The following BEND2 variants were observed in gnomAD, a reference collection of about 807,000 sequenced individuals.
The protein encoded by BEND2 is BEN domain containing 2.
A neutral mutation model predicts 43.8 loss-of-function variants in BEND2; 19 were observed. That is an observed-to-expected ratio of 0.43 (90% confidence interval 0.30 to 0.64). The LOEUF (loss-of-function observed/expected upper bound fraction) is 0.64, where lower values mean the gene tolerates loss of function less well. BEND2 is among the 30% of genes least tolerant of loss of function. The pLI is 0.11. For synonymous variants in BEND2, 226 were observed against 210.1 expected (o/e 1.08, Z -0.66); for missense variants, 544 against 574.0 (o/e 0.95, Z 0.53).
At chrX:18,182,761 C>T (rs987473992) in intron 8 of BEND2, among the ~76,000 whole-genome samples, 3 of 111,250 alleles carry the variant, frequency 2.7e-5, no homozygotes, top group East Asian at 2.8e-4. Flanking sequence ...TTACAGAGGC[C>T]GGGCACGGGG....
intron 2 of BEND2, among the ~76,000 whole-genome samples, chrX:18,214,923 A>G (rs1472117448): frequency 9.0e-6 from 1 of 110,547 alleles, no homozygotes; most frequent in Non-Finnish European, 1.9e-5. Context: ...CATCAGCAAT[A>G]AATATTGTAA....
At chrX:18,204,759 C>A (rs1158795719) in intron 4 of BEND2, among the ~76,000 whole-genome samples, 1 of 110,967 alleles carries the variant, frequency 9.0e-6, no homozygotes, top group Non-Finnish European at 1.9e-5. Flanking sequence ...TGCTCTAATG[C>A]CAGCAAATGA....
chrX:18,178,544 T>C (rs1032506915), intron 9 of BEND2, among the ~76,000 whole-genome samples: 3 of 112,089 alleles, frequency 2.7e-5, no homozygotes, highest in African/African-American at 9.7e-5. Flanking sequence ...AATCATACTT[T>C]AAGTATAGTT....
chrX:18,177,911 A>T, intron 9 of BEND2, 142 bp from the exon 10 acceptor site: 1 of 600,273 alleles, frequency 1.7e-6, no homozygotes, highest in Non-Finnish European at 2.6e-6. Flanking sequence ...TAATTCATGA[A>T]TTTCTACTTG....
At chrX:18,179,132 A>G (rs1924284106) in intron 9 of BEND2, among the ~76,000 whole-genome samples, 1 of 107,816 alleles carries the variant, frequency 9.3e-6, no homozygotes, top group Non-Finnish European at 1.9e-5. Flanking sequence ...ATTTCTAACA[A>G]TGTATCAGAG....
At chrX:18,174,495 A>G (rs1924081950) in intron 11 of BEND2, among the ~76,000 whole-genome samples, 1 of 112,400 alleles carries the variant, frequency 8.9e-6, no homozygotes, top group Admixed American at 9.5e-5. Context: ...AGCTCTGTCT[A>G]AGGAACTCAA....
intron 9 of BEND2, 124 bp from the exon 10 acceptor site, chrX:18,177,893 A>T (rs1472798507): frequency 1.6e-6 from 1 of 634,234 alleles, no homozygotes; most frequent in Non-Finnish European, 2.4e-6. Context: ...ATGCAGATAA[A>T]TGATTTCTAA....
chrX:18,164,922 A>G lies in BEND2; in HGVS notation c.*87T>C. 1.0e-6 allele frequency: 1 copy of G among 998,254 alleles called. No individual in the cohort carries two copies. Among genetic ancestry groups the G allele is most frequent in the South Asian group, 2.2e-5 (1 of 44,493 alleles). The allele number at this position is 998,254 out of a possible 1,213,427, so 82.3% of individuals were successfully genotyped here. Reference sequence around the variant, plus strand: ...TCAATGCAAACTACTCTGCCAGTACAGCAGGCTGATTTTGGAATTAGAACT... The same window carrying G: ...TCAATGCAAACTACTCTGCCAGTACGGCAGGCTGATTTTGGAATTAGAACT... On this transcript the variant is annotated 3_prime_UTR_variant, in exon 14 of 14. Transcript: ENST00000380033.
chrX:18,175,840 C>T, intron 11 of BEND2, 132 bp downstream of exon 11: 2 of 531,148 alleles, frequency 3.8e-6, no homozygotes, highest in Non-Finnish European at 5.5e-6. Flanking sequence ...GAAAGAACAT[C>T]CCATGCCCCC....
At chrX:18,176,344 A>G (rs1924153492) in intron 10 of BEND2, among the ~76,000 whole-genome samples, 1 of 95,049 alleles carries the variant, frequency 1.1e-5, no homozygotes, top group Admixed American at 1.2e-4. Flanking sequence ...TGACGTAGGA[A>G]GCTAATATTG....
At chrX:18,203,093 G>T (rs1265848591) in intron 5 of BEND2, among the ~76,000 whole-genome samples, 1 of 111,579 alleles carries the variant, frequency 9.0e-6, no homozygotes, top group Admixed American at 9.6e-5. Flanking sequence ...ATGGAGAAGA[G>T]ATCACACTTG....
chrX:18,194,062 A>G (rs137948999), intron 7 of BEND2, among the ~76,000 whole-genome samples: 2,822 of 111,957 alleles, frequency 0.025, 52 homozygotes, highest in Non-Finnish European at 0.038. Context: ...AAACCTTCAA[A>G]CAGAAAAGAT....
At chrX:18,193,804 G>T (rs770048980) in intron 7 of BEND2, among the ~76,000 whole-genome samples, 12 of 111,376 alleles carry the variant, frequency 1.1e-4, no homozygotes, top group Non-Finnish European at 2.1e-4. Flanking sequence ...CGTTACCTTG[G>T]CTACGGCCCC....
At chrX:18,165,309 C>A in intron 13 of BEND2, 86 bp from the exon 14 acceptor site, 1 of 759,006 alleles carries the variant, frequency 1.3e-6, no homozygotes, top group Non-Finnish European at 2.0e-6. Context: ...TCTACTACTG[C>A]GACTGTGAAA....
At chrX:18,183,619 C>A (rs750742806) in intron 8 of BEND2, among the ~76,000 whole-genome samples, 1 of 112,285 alleles carries the variant, frequency 8.9e-6, no homozygotes, top group East Asian at 2.8e-4. Flanking sequence ...TCTTAGATGG[C>A]ATTTCTGGGC....
At chrX:18,202,433 A>C (rs985788102) in intron 5 of BEND2, among the ~76,000 whole-genome samples, 1 of 111,972 alleles carries the variant, frequency 8.9e-6, no homozygotes, top group African/African-American at 3.2e-5. Flanking sequence ...CTTTAAGATG[A>C]TTAAGCTATG....
chrX:18,203,255 TA>T (rs1375940774), intron 5 of BEND2, among the ~76,000 whole-genome samples: 7 of 105,568 alleles, frequency 6.6e-5, no homozygotes, highest in East Asian at 5.9e-4. Context: ...AAAATTGTTT[TA>T]AAAAAAAAAG....
chrX:18,188,045 GA>G (rs1443516338), intron 8 of BEND2, among the ~76,000 whole-genome samples: 1 of 110,959 alleles, frequency 9.0e-6, no homozygotes, highest in Admixed American at 9.6e-5. Flanking sequence ...TAGTAAGAGA[GA>G]AATTTATAGC....
chrX:18,169,001 A>G (rs1033719498), intron 13 of BEND2, among the ~76,000 whole-genome samples: 5 of 110,448 alleles, frequency 4.5e-5, no homozygotes, highest in African/African-American at 6.6e-5. Context: ...GCAGTGGCAC[A>G]CACCTATAAT....
Sources: gnomAD v4.1 joint callset for allele counts (sites outside exome capture counted in the v4.1 genomes callset) on GRCh38, gnomAD v4.1.1 for gene constraint, MANE v1.5 for transcripts, NCBI Gene and HGNC (gene_info 2026-07-23, HGNC 2026-07-21) for gene names.